Variants in RPLP2 observed in about 807,000 individuals in gnomAD.
RPLP2 encodes ribosomal protein lateral stalk subunit P2.
Under a neutral mutation model 11.5 loss-of-function variants are expected in RPLP2, and 1 was observed. That is an observed-to-expected ratio of 0.09 (90% confidence interval 0.03 to 0.41). RPLP2 has a LOEUF of 0.41. Ranked by LOEUF, RPLP2 falls within the 10% of genes least tolerant of loss-of-function variation. RPLP2 has a pLI of 0.98. For synonymous variants in RPLP2, 82 were observed against 55.9 expected (o/e 1.47, Z -2.08); for missense variants, 177 against 145.6 (o/e 1.22, Z -1.11).
intron 3 of RPLP2, 40 bp from the exon 4 acceptor site, chr11:812,495 C>T: frequency 1.2e-6 from 2 of 1,602,916 alleles, no homozygotes; most frequent in Non-Finnish European, 1.7e-6. Flanking sequence ...GCCTCCCAGG[C>T]TGGGCAGCTG....
At chr11:812,702 T>C in intron 4 of RPLP2, 58 bp from the exon 5 acceptor site, 1 of 1,612,892 alleles carries the variant, frequency 6.2e-7, no homozygotes, top group South Asian at 1.1e-5. Flanking sequence ...GGGGTCTTCA[T>C]GGGGGGACTG....
rs549952753 is a variant in RPLP2, at chr11:812,517, C to A, written c.173-18C>A. On this transcript the variant is annotated intron_variant, in intron 3 of 4. Transcript: ENST00000321153. ...AGGCTGGGCAGCTGCTCTGGTCTCA[C>A]CTCTCTGCTTTCTGTAGGTATTGGC... 4 of 1,608,330 alleles carry A rather than the reference C, an allele frequency of 2.5e-6. No homozygotes were observed. Among genetic ancestry groups the A allele is most frequent in the Middle Eastern group, 2.3e-4 (1 of 4,432 alleles).
At position 810,333 on chromosome 11, in the gene RPLP2, G is replaced by T; in HGVS notation, c.99G>T (p.Glu33Asp). ...IKKILDSVGI[E>D]ADDDRLNKVI... ...AGATCTTGGACAGCGTGGGTATCGA[G>T]GCGGACGACGACCGGCTCAACAAGG... Residue 33 changes from glutamate to aspartate, a missense_variant, in exon 2 of 5, where the codon GAG (glutamate) becomes GAT (aspartate). Physicochemically the swap from Glu to Asp is conservative, Grantham distance 45 (BLOSUM62 2). Coordinates refer to ENST00000321153, the MANE Select transcript of RPLP2 (RefSeq NM_001004.4). 6.2e-7 allele frequency: 1 copy of T among 1,608,176 alleles called. No individual in the cohort carries two copies. The highest frequency in any genetic ancestry group is 8.5e-7 in the Non-Finnish European group (1 of 1,177,920).
chr11:811,983 T>C (rs777073296), intron 3 of RPLP2: 6 of 494,054 alleles, frequency 1.2e-5, no homozygotes, highest in African/African-American at 1.9e-5. Flanking sequence ...ATGCTTTCTG[T>C]GAGGGGGTTG....
chr11:812,625 C>T lies in RPLP2; in HGVS notation c.263C>T (p.Pro88Leu), dbSNP rs1195337298. 2 of 1,610,270 alleles carry T rather than the reference C, an allele frequency of 1.2e-6. No individual in the cohort carries two copies. The highest frequency in any genetic ancestry group is 1.7e-5 in the Admixed American group (1 of 60,012). The change falls in exon 4 of 5, where the codon CCT (proline) becomes CTT (leucine). Residue 88 changes from proline to leucine, a missense_variant. Physicochemically the swap from Pro to Leu is moderately conservative, Grantham distance 98. Transcript: ENST00000321153. ...GCAGCCCCTGCTGCTGGTTCTGCCC[C>T]TGCTGCAGGTAAGTGGTGGCCTGGT... ...GSAAPAAGSA[P>L]AAAEEKKDEK...
At chr11:810,805 A>G (rs558902817) in intron 2 of RPLP2, among the ~76,000 whole-genome samples, 31 of 151,740 alleles carry the variant, frequency 2.0e-4, no homozygotes, top group African/African-American at 6.5e-4. Context: ...AAAAAAAAAA[A>G]AAGCAGGGTG....
rs1865972039 is a variant in RPLP2 at position 810,013 on chromosome 11, C to T, written c.-28C>T. The stretch of plus-strand genomic sequence containing the variant: ...CGAGGTCGCACGCGTGAGACTTCTC[C>T]GCCGCCTCCGCCGCAGACGCCGCCG... On this transcript the variant is annotated 5_prime_UTR_variant, in exon 1 of 5. Coordinates refer to ENST00000321153, the MANE Select transcript of RPLP2 (RefSeq NM_001004.4). 1.6e-5 allele frequency: 4 copies of T among 249,184 alleles called. No homozygotes were observed. Among genetic ancestry groups the T allele is most frequent in the Non-Finnish European group, 2.7e-5 (4 of 146,632 alleles). The allele number at this position is 249,184 out of a possible 1,614,324, so 15.4% of individuals were successfully genotyped here.
rs138243875 is a variant in RPLP2, at chr11:810,318, C to A, written c.84C>A (p.Asp28Glu). The change falls in exon 2 of 5, where the codon GAC (aspartate) becomes GAA (glutamate). Residue 28 changes from aspartate (D) to glutamate (E), a missense_variant. Physicochemically the swap from Asp to Glu is conservative, Grantham distance 45 (BLOSUM62 2). Coordinates refer to ENST00000321153, the MANE Select transcript of RPLP2 (RefSeq NM_001004.4). ...PSAKDIKKIL[D>E]SVGIEADDDR... ...CCAAGGACATCAAGAAGATCTTGGA[C>A]AGCGTGGGTATCGAGGCGGACGACG... 3.1e-6 allele frequency: 5 copies of A among 1,609,170 alleles called. No individual in the cohort carries two copies. The South Asian group carries it at 5.5e-5, about 18-fold the overall frequency.
chr11:812,052 G>A, intron 3 of RPLP2: 1 of 390,230 alleles, frequency 2.6e-6, no homozygotes, highest in Non-Finnish European at 4.9e-6. Context: ...TTGTTGGGCA[G>A]ATGGTTTTTT....
chr11:812,145 C>T (rs1003542136), intron 3 of RPLP2: 18 of 379,498 alleles, frequency 4.7e-5, no homozygotes, highest in East Asian at 4.4e-4. Flanking sequence ...CATGTGACCA[C>T]GACAGGGCCA....
At chr11:812,342 A>G in intron 3 of RPLP2, 193 bp from the exon 4 acceptor site, 1 of 681,422 alleles carries the variant, frequency 1.5e-6, no homozygotes, top group Non-Finnish European at 2.5e-6. Context: ...CTGGATAGGA[A>G]AGGTGGGGAA....
At chr11:811,547 G>A in intron 2 of RPLP2, 50 bp from the exon 3 acceptor site, 1 of 1,611,796 alleles carries the variant, frequency 6.2e-7, no homozygotes, top group South Asian at 1.1e-5. Flanking sequence ...GAGAGGGCCG[G>A]GGATACAATC....
At chr11:811,291 C>T in intron 2 of RPLP2, 1 of 436,274 alleles carries the variant, frequency 2.3e-6, no homozygotes, top group East Asian at 4.5e-5. Flanking sequence ...GCACTCCAGC[C>T]TGAAGTCAAA....
chr11:810,206 G>T, intron 1 of RPLP2, 28 bp from the exon 2 acceptor site: 4 of 1,484,508 alleles, frequency 2.7e-6, no homozygotes, highest in Non-Finnish European at 3.6e-6. Flanking sequence ...GGGTAACTCC[G>T]CCGTCGCGTC....
intron 2 of RPLP2, among the ~76,000 whole-genome samples, chr11:810,989 T>C (rs1203704538): frequency 7.4e-6 from 1 of 134,762 alleles, no homozygotes; most frequent in Non-Finnish European, 1.6e-5. Flanking sequence ...TGGAAAACAT[T>C]GCAAGACCCG....
At position 811,401 on chromosome 11, in the gene RPLP2, C is replaced by T. The variant is rs561653247; in HGVS notation, c.124-196C>T. ...CTGTGTCCTTTTGTCAGTCCTAAGTCTAAGAAAGCTAGTGTCCATTTATTT... is the reference window on the plus strand; with the variant it reads ...CTGTGTCCTTTTGTCAGTCCTAAGTTTAAGAAAGCTAGTGTCCATTTATTT... On this transcript the variant is annotated intron_variant, in intron 2 of 4. Coordinates refer to ENST00000321153, the MANE Select transcript of RPLP2 (RefSeq NM_001004.4). 4.4e-4 allele frequency: 276 copies of T among 622,840 alleles called. 4 individuals are homozygous for T. The highest frequency in any genetic ancestry group is 4.3e-3 in the South Asian group (219 of 51,158). The allele number at this position is 622,840 out of a possible 1,614,324, so 38.6% of individuals were successfully genotyped here. A position where few individuals can be genotyped will look rare whatever the true frequency, so the allele number is the denominator to read the frequency against.
intron 3 of RPLP2, chr11:812,316 C>G (rs1175174524): frequency 1.6e-6 from 1 of 607,952 alleles, no homozygotes; most frequent in African/African-American, 1.8e-5. Context: ...GGGCCTAATT[C>G]CTAGAAGGCA....
chr11:811,453 T>C, intron 2 of RPLP2, 144 bp from the exon 3 acceptor site: 1 of 819,830 alleles, frequency 1.2e-6, no homozygotes, highest in Non-Finnish European at 2.0e-6. Context: ...GTGAGGCTGG[T>C]GGCTCCCTTT....
chr11:812,410 A>G, intron 3 of RPLP2, 125 bp from the exon 4 acceptor site: 2 of 1,255,650 alleles, frequency 1.6e-6, no homozygotes, highest in Non-Finnish European at 2.2e-6. Flanking sequence ...AACGGGAGAC[A>G]CTGGCATATG....
Sources: allele counts gnomAD v4.1 joint callset (sites outside exome capture counted in the v4.1 genomes callset), GRCh38; gene constraint gnomAD v4.1.1; transcripts MANE v1.5; gene names NCBI Gene and HGNC (gene_info 2026-07-23, HGNC 2026-07-21).